The following AAMDC variants were observed in gnomAD, a reference collection of about 807,000 sequenced individuals.
The protein encoded by AAMDC is mth938 domain-containing protein.
A neutral mutation model predicts 15.5 loss-of-function variants in AAMDC; 16 were observed. The observed-to-expected ratio is 1.03, with a 90% confidence interval of 0.70 to 1.57. The LOEUF (loss-of-function observed/expected upper bound fraction) is 1.57, where lower values mean the gene tolerates loss of function less well. Among genes scored for constraint, AAMDC ranks in the 40% most tolerant of loss-of-function variants. The pLI is 0.00. For missense variants in AAMDC, 141 were observed against 144.9 expected (o/e 0.97, Z 0.14); for synonymous variants, 51 against 51.6 (o/e 0.99, Z 0.05).
At chr11:77,860,167 T>C (rs1355224009) in intron 2 of AAMDC, among the ~76,000 whole-genome samples, 1 of 152,244 alleles carries the variant, frequency 6.6e-6, no homozygotes, top group Non-Finnish European at 1.5e-5. Flanking sequence ...GTTGGCAAGC[T>C]TAACACTGGG....
chr11:77,843,305 T>C lies in AAMDC; in HGVS notation c.132+677T>C, dbSNP rs113383933. ...TATTCTCAGTGTGCCATTCCCAAGG[T>C]AGAGCCTCCTTTCCATGAGTGTAAG... On this transcript the variant is annotated intron_variant, in intron 2 of 3. Coordinates refer to ENST00000393427, the MANE Select transcript of AAMDC (RefSeq NM_024684.4). Among the ~76,000 whole-genome samples, 884 of 152,316 alleles carry C rather than the reference T, an allele frequency of 5.8e-3. 7 individuals carry two copies. The highest frequency in any genetic ancestry group is 0.02 in the African/African-American group (844 of 41,558).
chr11:77,886,473 C>T (rs1184069371), intron 5 of AAMDC, among the ~76,000 whole-genome samples: 1 of 151,788 alleles, frequency 6.6e-6, no homozygotes, highest in East Asian at 1.9e-4. Context: ...GATTTCTGCC[C>T]AGTGCTCTGA....
chr11:77,886,745 G>A (rs1759961559), intron 5 of AAMDC, among the ~76,000 whole-genome samples: 1 of 147,468 alleles, frequency 6.8e-6, no homozygotes, highest in South Asian at 2.2e-4. Context: ...ATAGGTGGGA[G>A]GCGCCCGGCG....
In AAMDC at chr11:77,858,302, C is replaced by CTTTTTTTTTTTT. The variant is rs71473358; in HGVS notation, c.133-11406_133-11395dup. Among the ~76,000 whole-genome samples, 72 of 69,358 alleles carry CTTTTTTTTTTTT rather than the reference C, an allele frequency of 1.0e-3. 1 individual carries two copies. Among genetic ancestry groups the CTTTTTTTTTTTT allele is most frequent in the Admixed American group, 2.2e-3 (10 of 4,488 alleles). The allele number at this position is 69,358 out of a possible 152,430, so 45.5% of individuals were successfully genotyped here. A position where few individuals can be genotyped will look rare whatever the true frequency, so the allele number is the denominator to read the frequency against. ...CTCCACCTCCTGCGTTTAAGCAATT[C>CTTTTTTTTTTTT]TTTTTTTTTTTTTTTTTTTTTTTTT... On this transcript the variant is annotated intron_variant, in intron 2 of 3. Coordinates refer to ENST00000393427, the MANE Select transcript of AAMDC (RefSeq NM_024684.4).
At chr11:77,844,975 C>T (rs1037391595) in intron 2 of AAMDC, among the ~76,000 whole-genome samples, 1 of 152,124 alleles carries the variant, frequency 6.6e-6, no homozygotes, top group Non-Finnish European at 1.5e-5. Flanking sequence ...ATAAATCAAC[C>T]ATTAGCATTA....
At chr11:77,833,010 T>TATATA (rs1555006979) in intron 1 of AAMDC, among the ~76,000 whole-genome samples, 4 of 32,708 alleles carry the variant, frequency 1.2e-4, no homozygotes, top group African/African-American at 3.5e-4. Flanking sequence ...TATATATATA[T>TATATA]TTTTTTTTTT....
intron 2 of AAMDC, among the ~76,000 whole-genome samples, chr11:77,857,927 C>T (rs901331053): frequency 6.6e-6 from 1 of 152,098 alleles, no homozygotes. Context: ...GAACTCCTGA[C>T]CTTGTGATCT....
At chr11:77,884,338 T>C (rs1489638933) in intron 5 of AAMDC, among the ~76,000 whole-genome samples, 1 of 152,222 alleles carries the variant, frequency 6.6e-6, no homozygotes, top group African/African-American at 2.4e-5. Flanking sequence ...TGGAGTTATT[T>C]TGTAATTGCA....
chr11:77,843,116 C>T lies in AAMDC; in HGVS notation c.132+488C>T, dbSNP rs540792508. ...CAGACTATCTTCCAAGGCACCTGCA[C>T]CATTTTACATCTCCACTAGGAATAT... is the stretch of plus-strand genomic sequence containing the variant. On this transcript the variant is annotated intron_variant, in intron 2 of 3. Transcript: ENST00000393427. Among the ~76,000 whole-genome samples the T allele has an allele frequency of 3.9e-5, 6 of 152,306 alleles. No individual in the cohort carries two copies. The South Asian group carries it at 1.2e-3, about 32-fold the overall frequency.
intron 2 of AAMDC, among the ~76,000 whole-genome samples, chr11:77,864,526 T>A (rs1244676782): frequency 5.3e-5 from 8 of 152,180 alleles, no homozygotes; most frequent in African/African-American, 1.9e-4. Flanking sequence ...AGGGTGTATA[T>A]TATGTGAAAA....
chr11:77,901,690 A>C (rs1952782605), downstream of AAMDC: 1 of 654,476 alleles, frequency 1.5e-6, no homozygotes, highest in East Asian at 2.8e-5. Context: ...GTGTTGAAAG[A>C]AATTAGTATA....
At chr11:77,891,074 T>C (rs1419288707) in intron 5 of AAMDC, among the ~76,000 whole-genome samples, 1 of 152,170 alleles carries the variant, frequency 6.6e-6, no homozygotes, top group African/African-American at 2.4e-5. Context: ...TTAAATACAT[T>C]ATCTCTTTAT....
intron 1 of AAMDC, among the ~76,000 whole-genome samples, chr11:77,832,720 A>G (rs1949490865): frequency 6.7e-6 from 1 of 150,262 alleles, no homozygotes; most frequent in Middle Eastern, 3.5e-3. Flanking sequence ...AAGTCCTCCT[A>G]CTCCCCAGTT....
intron 5 of AAMDC, among the ~76,000 whole-genome samples, chr11:77,888,327 G>A (rs1290645537): frequency 3.3e-5 from 5 of 152,162 alleles, no homozygotes; most frequent in Non-Finnish European, 7.3e-5. Context: ...ATGGGGAAAG[G>A]ATTCCCTATT....
intron 2 of AAMDC, chr11:77,869,048 G>C (rs1951271289): frequency 3.0e-6 from 1 of 335,670 alleles, no homozygotes; most frequent in South Asian, 3.9e-5. Context: ...ATTCCTTTTT[G>C]AACAGTACCC....
chr11:77,823,447 T>A (rs1019501922), intron 1 of AAMDC, among the ~76,000 whole-genome samples: 6 of 151,466 alleles, frequency 4.0e-5, no homozygotes, highest in Admixed American at 6.6e-5. Context: ...AAAAATAATC[T>A]GGGCGAGGTG....
intron 5 of AAMDC, among the ~76,000 whole-genome samples, chr11:77,882,106 G>C (rs1048584885): frequency 2.6e-5 from 4 of 152,020 alleles, no homozygotes; most frequent in African/African-American, 9.7e-5. Context: ...TGTAGAGATA[G>C]GGTTGCCCTA....
At chr11:77,841,697 T>C (rs1949939767) in intron 1 of AAMDC, among the ~76,000 whole-genome samples, 1 of 152,204 alleles carries the variant, frequency 6.6e-6, no homozygotes, top group Non-Finnish European at 1.5e-5. Flanking sequence ...CCTTGCAGCC[T>C]CTGGTCCACT....
intron 1 of AAMDC, among the ~76,000 whole-genome samples, 189 bp downstream of exon 1, chr11:77,821,430 G>A (rs1411486217): frequency 6.6e-6 from 1 of 152,182 alleles, no homozygotes; most frequent in Non-Finnish European, 1.5e-5. Flanking sequence ...CTCTGTGGAA[G>A]TTTGCCGACG....
Sources: allele counts gnomAD v4.1 joint callset (sites outside exome capture counted in the v4.1 genomes callset), GRCh38; gene constraint gnomAD v4.1.1; transcripts MANE v1.5; gene names NCBI Gene and HGNC (gene_info 2026-07-23, HGNC 2026-07-21).